Variants in DOK6 observed in about 807,000 individuals in gnomAD.
The protein encoded by DOK6 is docking protein 6, also known as downstream of tyrosine kinase 6.
DOK6 carries 22 observed loss-of-function variants against 44.0 expected under a neutral mutation model. The observed-to-expected ratio is 0.50, with a 90% CI of 0.36 to 0.71. The LOEUF is 0.71. DOK6 is among the 30% of genes least tolerant of loss of function. DOK6 has a pLI of 0.00. For synonymous variants in DOK6, 166 were observed against 145.5 expected (o/e 1.14, Z -1.01); for missense variants, 340 against 416.4 (o/e 0.82, Z 1.60).
In DOK6 at chr18:69,476,467, CA is replaced by C. The variant is rs1358471074; in HGVS notation, c.66+75158del. 1.7e-3 allele frequency among the ~76,000 whole-genome samples: 257 copies of C among 152,262 alleles called. 2 individuals are homozygous for C. The highest frequency in any genetic ancestry group is 0.013 in the East Asian group (65 of 5,172). ...ATTCTTGGAAGGCACGGGTAATCGT[CA>C]CTTGATCAGTCAGAGTTCCCGGAGG... On this transcript the variant is annotated intron_variant, in intron 1 of 7. Coordinates refer to ENST00000382713, the MANE Select transcript of DOK6 (RefSeq NM_152721.6).
At chr18:69,550,300 G>A (rs989722821) in intron 1 of DOK6, among the ~76,000 whole-genome samples, 1 of 152,010 alleles carries the variant, frequency 6.6e-6, no homozygotes, top group African/African-American at 2.4e-5. Context: ...CTGGAAAGTA[G>A]CACTGATGAA....
chr18:69,418,161 T>C (rs1978389196), intron 1 of DOK6, among the ~76,000 whole-genome samples: 1 of 152,158 alleles, frequency 6.6e-6, no homozygotes, highest in Non-Finnish European at 1.5e-5. Context: ...TTCCCTAATG[T>C]TTTCTTCAGT....
At position 69,564,480 on chromosome 18, in the gene DOK6, C is replaced by G. The variant is rs768358745; in HGVS notation, c.67-7C>G. 5.0e-6 allele frequency: 8 copies of G among 1,612,586 alleles called. No individual in the cohort carries two copies. The South Asian group carries it at 8.8e-5, about 18-fold the overall frequency. Reference sequence around the variant, plus strand: ...ATGGATAATGGGATTCCTTTATTTGCTTTCAGATTTTCAGACGATGCTGGT... The same window carrying G: ...ATGGATAATGGGATTCCTTTATTTGGTTTCAGATTTTCAGACGATGCTGGT... On this transcript the variant is annotated splice_polypyrimidine_tract_variant and splice_region_variant and intron_variant, in intron 1 of 7. Transcript: ENST00000382713.
chr18:69,407,681 AATG>A (rs1178345173), intron 1 of DOK6, among the ~76,000 whole-genome samples: 22 of 152,346 alleles, frequency 1.4e-4, no homozygotes, highest in African/African-American at 5.1e-4. Flanking sequence ...TAGAATAAGT[AATG>A]ATATTTTGCT....
chr18:69,697,827 C>G (rs187643551), intron 4 of DOK6, among the ~76,000 whole-genome samples: 1 of 152,126 alleles, frequency 6.6e-6, no homozygotes, highest in Non-Finnish European at 1.5e-5. Flanking sequence ...TTAAGTTCTG[C>G]GGAAGGCTGT....
At chr18:69,726,248 C>T (rs1258235371) in intron 5 of DOK6, among the ~76,000 whole-genome samples, 1 of 152,200 alleles carries the variant, frequency 6.6e-6, no homozygotes, top group Non-Finnish European at 1.5e-5. Flanking sequence ...TTATAACTAG[C>T]TAGTTCACTG....
In DOK6 at chr18:69,691,382, C is replaced by A. The variant is rs138365052; in HGVS notation, c.410-7022C>A. On this transcript the variant is annotated intron_variant, in intron 4 of 7. Transcript: ENST00000382713. ...AAGGGCAGAAAGGAGAGAATATTCA[C>A]CCCTCTCAAGCCCCATGAAAGAGGA... 7.1e-4 allele frequency among the ~76,000 whole-genome samples: 108 copies of A among 151,872 alleles called. 1 individual carries two copies. Among genetic ancestry groups the A allele is most frequent in the African/African-American group, 2.5e-3 (105 of 41,404 alleles).
intron 6 of DOK6, among the ~76,000 whole-genome samples, chr18:69,757,497 C>T: frequency 6.6e-6 from 1 of 152,276 alleles, no homozygotes; most frequent in African/African-American, 2.4e-5. Flanking sequence ...GCCAGCATTC[C>T]CCATTGCTAC....
intron 1 of DOK6, among the ~76,000 whole-genome samples, chr18:69,539,013 G>T (rs1982196857): frequency 6.6e-6 from 1 of 152,156 alleles, no homozygotes; most frequent in South Asian, 2.1e-4. Context: ...GCTTGGATAT[G>T]CTCTTTCAAA....
rs530060575 is a variant in DOK6 at position 69,758,770 on chromosome 18, C to T, written c.856+897C>T. Among the ~76,000 whole-genome samples, 37 of 152,242 alleles carry T rather than the reference C, an allele frequency of 2.4e-4. 2 individuals are homozygous for T. The South Asian group carries it at 7.5e-3, about 31-fold the overall frequency. ...ATAAAATATCTGGGGAAAGTATGAC[C>T]AAGTATGACCCTCTGGTAGTTAGAC... On this transcript the variant is annotated intron_variant, in intron 7 of 7. Coordinates refer to ENST00000382713, the MANE Select transcript of DOK6 (RefSeq NM_152721.6).
At chr18:69,736,213 T>A (rs1978599849) in intron 5 of DOK6, among the ~76,000 whole-genome samples, 1 of 152,200 alleles carries the variant, frequency 6.6e-6, no homozygotes, top group Admixed American at 6.5e-5. Flanking sequence ...ACTTGAAAAT[T>A]ATATGATACA....
At chr18:69,632,460 T>C (rs1984711043) in intron 3 of DOK6, among the ~76,000 whole-genome samples, 1 of 152,226 alleles carries the variant, frequency 6.6e-6, no homozygotes, top group Non-Finnish European at 1.5e-5. Flanking sequence ...TTCTAAATTC[T>C]AGGATTAAGG....
At chr18:69,524,125 G>T (rs577131530) in intron 1 of DOK6, among the ~76,000 whole-genome samples, 1 of 151,908 alleles carries the variant, frequency 6.6e-6, no homozygotes, top group East Asian at 1.9e-4. Context: ...ATTCTGGAGT[G>T]GATGAGATGC....
At chr18:69,460,984 AAAAG>A (rs1979772516) in intron 1 of DOK6, among the ~76,000 whole-genome samples, 4 of 152,206 alleles carry the variant, frequency 2.6e-5, no homozygotes, top group Admixed American at 2.6e-4. Context: ...GAAAGCACAG[AAAAG>A]CCTTAAACTG....
At chr18:69,548,822 G>C (rs1003404034) in intron 1 of DOK6, among the ~76,000 whole-genome samples, 2 of 151,406 alleles carry the variant, frequency 1.3e-5, no homozygotes, top group Non-Finnish European at 3.0e-5. Context: ...GGCCGGGCGC[G>C]GTGGCTCACG....
In DOK6 at chr18:69,434,983, AGAAG is replaced by A. The variant is rs372494721; in HGVS notation, c.66+33690_66+33693del. On this transcript the variant is annotated intron_variant, in intron 1 of 7. Coordinates refer to ENST00000382713, the MANE Select transcript of DOK6 (RefSeq NM_152721.6). ...AGGAAGGAAGGAAGGAAGGAAGGAA[AGAAG>A]GAAGGAAGGAAGGAAGAAAGATTAG... Among the ~76,000 whole-genome samples the A allele has an allele frequency of 6.3e-3, 533 of 84,822 alleles. 5 individuals carry two copies. Among genetic ancestry groups the A allele is most frequent in the Non-Finnish European group, 0.011 (400 of 37,584 alleles). 55.6% of individuals were successfully genotyped at this position (84,822 alleles called of 152,430 possible).
At chr18:69,530,014 G>T (rs997896317) in intron 1 of DOK6, among the ~76,000 whole-genome samples, 2 of 152,022 alleles carry the variant, frequency 1.3e-5, no homozygotes, top group African/African-American at 4.8e-5. Flanking sequence ...TAGACTTATG[G>T]TTCCTCATGA....
intron 5 of DOK6, among the ~76,000 whole-genome samples, chr18:69,726,209 C>T (rs997188908): frequency 1.3e-5 from 2 of 152,060 alleles, no homozygotes; most frequent in Admixed American, 6.5e-5. Flanking sequence ...CCCTCTTTCT[C>T]GCTTCTTTGG....
At chr18:69,493,589 C>G (rs1417748810) in intron 1 of DOK6, among the ~76,000 whole-genome samples, 1 of 152,082 alleles carries the variant, frequency 6.6e-6, no homozygotes, top group Non-Finnish European at 1.5e-5. Flanking sequence ...AGGATAATAT[C>G]TGAAATATGA....
Sources: gnomAD v4.1 joint callset for allele counts (sites outside exome capture counted in the v4.1 genomes callset) on GRCh38, gnomAD v4.1.1 for gene constraint, MANE v1.5 for transcripts, NCBI Gene and HGNC (gene_info 2026-07-23, HGNC 2026-07-21) for gene names.